MSH3: variants seen among roughly 807,000 people sequenced by gnomAD.
MSH3 encodes the protein mutS homolog 3.
MSH3 carries 106 observed loss-of-function variants against 123.3 expected under a neutral mutation model. That is an observed-to-expected ratio of 0.86 (90% CI 0.73 to 1.01). The LOEUF (loss-of-function observed/expected upper bound fraction) is 1.01, where lower values mean the gene tolerates loss of function less well. Ranked by LOEUF, MSH3 falls within the 50% of genes least tolerant of loss-of-function variation. The pLI is 0.00. For synonymous variants in MSH3, 515 were observed against 481.4 expected (o/e 1.07, Z -0.91); for missense variants, 1,459 against 1,347.6 (o/e 1.08, Z -1.29).
At chr5:80,726,395 A>G (rs1333027203) in intron 9 of MSH3, among the ~76,000 whole-genome samples, 4 of 152,172 alleles carry the variant, frequency 2.6e-5, no homozygotes, top group Non-Finnish European at 5.9e-5. Flanking sequence ...GCATCTAGGC[A>G]TCAGTGTCTT....
intron 11 of MSH3, 112 bp downstream of exon 11, chr5:80,741,660 C>G: frequency 1.3e-6 from 1 of 770,610 alleles, no homozygotes; most frequent in South Asian, 1.4e-5. Flanking sequence ...CTTTAGCTGA[C>G]TGCAGTATTA....
At chr5:80,819,352 ATGTATATATATGTG>A (rs1390748959) in intron 20 of MSH3, among the ~76,000 whole-genome samples, 55 of 133,112 alleles carry the variant, frequency 4.1e-4, no homozygotes, top group African/African-American at 1.0e-3. Flanking sequence ...GTGTATATAT[ATGTATATATATGTG>A]TGTATATATA....
chr5:80,828,101 A>C (rs1431975965), intron 20 of MSH3, among the ~76,000 whole-genome samples: 1 of 152,172 alleles, frequency 6.6e-6, no homozygotes, highest in Non-Finnish European at 1.5e-5. Context: ...ATGAGGGCTC[A>C]TTGGGTAATT....
chr5:80,674,898 G>A (rs1229912181), intron 6 of MSH3, 85 bp from the exon 7 acceptor site: 6 of 1,201,912 alleles, frequency 5.0e-6, no homozygotes, highest in Non-Finnish European at 7.2e-6. Context: ...TTATTTTAAA[G>A]GAGAAAATAG....
intron 21 of MSH3, among the ~76,000 whole-genome samples, chr5:80,858,201 C>T (rs759376761): frequency 2.5e-4 from 38 of 152,024 alleles, no homozygotes; most frequent in Non-Finnish European, 4.6e-4. Context: ...CATGCCACAA[C>T]ACCCAGCTAA....
At chr5:80,761,077 T>A (rs1293296440) in intron 12 of MSH3, among the ~76,000 whole-genome samples, 3 of 152,194 alleles carry the variant, frequency 2.0e-5, no homozygotes, top group Non-Finnish European at 1.5e-5. Context: ...TTTTCCTTAG[T>A]TCAGTTAAAG....
At position 80,767,936 on chromosome 5, in the gene MSH3, T is replaced by C. The variant is rs781236466; in HGVS notation, c.1900T>C (p.Ser634Pro). The change falls in exon 14 of 24, where the codon TCT (serine) becomes CCT (proline). Residue 634 changes from serine to proline, a missense_variant. Coordinates refer to ENST00000265081, the MANE Select transcript of MSH3 (RefSeq NM_002439.5). Reference protein sequence around the residue: ...GLCSIYHKKCSTQEFFLIVKT... With the variant: ...GLCSIYHKKCPTQEFFLIVKT... The stretch of plus-strand genomic sequence containing the variant: ...TAAAAAATATTTCTATTTTCAGTGT[T>C]CTACCCAAGAGTTCTTCTTGATTGT... The C allele has an allele frequency of 6.2e-7, 1 of 1,605,128 alleles. No individual in the cohort carries two copies. The highest frequency in any genetic ancestry group is 1.1e-5 in the South Asian group (1 of 90,838).
intron 10 of MSH3, among the ~76,000 whole-genome samples, chr5:80,740,730 G>C (rs1002321797): frequency 1.5e-5 from 1 of 66,108 alleles, no homozygotes; most frequent in African/African-American, 5.8e-5. Context: ...TTTTTTTTTT[G>C]CCGAGGCGTA....
chr5:80,681,863 G>A (rs1461626890), intron 8 of MSH3, among the ~76,000 whole-genome samples: 1 of 152,270 alleles, frequency 6.6e-6, no homozygotes, highest in African/African-American at 2.4e-5. Context: ...TTCATCACAT[G>A]AGATTTAAAA....
chr5:80,656,633 G>A, intron 2 of MSH3, 102 bp downstream of exon 2: 1 of 1,512,618 alleles, frequency 6.6e-7, no homozygotes, highest in African/African-American at 1.4e-5. Flanking sequence ...TTTTTTCTTT[G>A]TGGAGAAAGG....
intron 20 of MSH3, among the ~76,000 whole-genome samples, chr5:80,818,885 GT>G (rs751104638): frequency 6.6e-6 from 1 of 152,066 alleles, no homozygotes; most frequent in Non-Finnish European, 1.5e-5. Context: ...TTTTTTATAA[GT>G]TTTTTTGTTA....
intron 20 of MSH3, among the ~76,000 whole-genome samples, chr5:80,832,501 C>G (rs928078071): frequency 3.3e-5 from 5 of 151,940 alleles, no homozygotes; most frequent in Admixed American, 6.6e-5. Flanking sequence ...AGCCTGCAAT[C>G]CTAGCTACTC....
intron 2 of MSH3, among the ~76,000 whole-genome samples, chr5:80,664,472 T>C (rs1009755008): frequency 7.2e-6 from 1 of 138,194 alleles, no homozygotes; most frequent in Non-Finnish European, 1.6e-5. Context: ...ATACATTGTG[T>C]CTGTGTTCCT....
chr5:80,670,852 G>T (rs984575683), intron 4 of MSH3, among the ~76,000 whole-genome samples: 9 of 152,126 alleles, frequency 5.9e-5, no homozygotes. Flanking sequence ...AGGTGTGGTG[G>T]CTCATGCTTA....
At chr5:80,715,019 T>C (rs1217219435) in intron 8 of MSH3, among the ~76,000 whole-genome samples, 4 of 152,222 alleles carry the variant, frequency 2.6e-5, no homozygotes, top group Non-Finnish European at 5.9e-5. Context: ...CCTAGGCTTG[T>C]AGTAGAACAG....
At chr5:80,823,525 G>A (rs1272748667) in intron 20 of MSH3, among the ~76,000 whole-genome samples, 3 of 152,036 alleles carry the variant, frequency 2.0e-5, no homozygotes, top group Non-Finnish European at 4.4e-5. Context: ...AGGAGTTGAT[G>A]GCATTCTGTC....
At chr5:80,800,542 A>G (rs1230690435) in intron 19 of MSH3, among the ~76,000 whole-genome samples, 5 of 152,374 alleles carry the variant, frequency 3.3e-5, no homozygotes, top group South Asian at 2.1e-4. Context: ...AGATTAGCAC[A>G]TTAGATGAGT....
intron 8 of MSH3, among the ~76,000 whole-genome samples, chr5:80,698,056 C>T (rs530913523): frequency 6.6e-6 from 1 of 152,088 alleles, no homozygotes; most frequent in Non-Finnish European, 1.5e-5. Flanking sequence ...TGCAGGTGTG[C>T]TCAACCACAC....
chr5:80,730,286 A>G (rs1341326894), intron 10 of MSH3, among the ~76,000 whole-genome samples: 2 of 152,202 alleles, frequency 1.3e-5, no homozygotes, highest in Non-Finnish European at 2.9e-5. Context: ...CGTAGTACAT[A>G]CCATTATATG....
Sources: allele counts gnomAD v4.1 joint callset (sites outside exome capture counted in the v4.1 genomes callset), GRCh38; gene constraint gnomAD v4.1.1; transcripts MANE v1.5; gene names NCBI Gene and HGNC (gene_info 2026-07-23, HGNC 2026-07-21).